Variants in CFAP54 observed in about 807,000 individuals in gnomAD.
The protein encoded by CFAP54 is cilia and flagella associated protein 54.
A neutral mutation model predicts 370.4 loss-of-function variants in CFAP54; 290 were observed. The ratio of observed to expected loss-of-function variants is 0.78; its 90% CI spans 0.71 to 0.86. The LOEUF is 0.86. Among genes scored for constraint, CFAP54 ranks in the 40% least tolerant of loss-of-function variants. The pLI is 0.00. For missense variants in CFAP54, 3,399 were observed against 3,528.7 expected (o/e 0.96, Z 0.93); for synonymous variants, 1,206 against 1,236.5 (o/e 0.98, Z 0.52).
At chr12:96,617,729 C>T (rs755309917) in intron 26 of CFAP54, among the ~76,000 whole-genome samples, 5 of 152,108 alleles carry the variant, frequency 3.3e-5, no homozygotes, top group African/African-American at 1.2e-4. Flanking sequence ...TGGTGGCTCA[C>T]GCCTGTAATC....
At chr12:96,792,713 A>G (rs1252751137) in intron 63 of CFAP54, among the ~76,000 whole-genome samples, 2 of 152,176 alleles carry the variant, frequency 1.3e-5, no homozygotes, top group African/African-American at 4.8e-5. Flanking sequence ...TCCTGATCCC[A>G]TAGGGAAAAT....
intron 67 of CFAP54, among the ~76,000 whole-genome samples, 167 bp from the exon 68 acceptor site, chr12:96,874,951 A>T (rs767055300): frequency 2.6e-5 from 4 of 151,716 alleles, no homozygotes; most frequent in Non-Finnish European, 5.9e-5. Flanking sequence ...TGGTTTGATG[A>T]TGTGGCATTC....
intron 1 of CFAP54, among the ~76,000 whole-genome samples, chr12:96,496,593 A>C (rs575821569): frequency 6.6e-6 from 1 of 152,364 alleles, no homozygotes; most frequent in South Asian, 2.1e-4. Context: ...CCATCAGGCC[A>C]GAGTACTAAT....
chr12:96,723,714 CA>C (rs1345046537), intron 50 of CFAP54, among the ~76,000 whole-genome samples: 1 of 150,596 alleles, frequency 6.6e-6, no homozygotes, highest in African/African-American at 2.4e-5. Flanking sequence ...TTTTAGGGTA[CA>C]TGTGCACAGT....
chr12:96,736,154 A>G (rs143547858), intron 50 of CFAP54, among the ~76,000 whole-genome samples: 1 of 152,296 alleles, frequency 6.6e-6, no homozygotes, highest in Non-Finnish European at 1.5e-5. Context: ...AGGCAGAGGT[A>G]AGGATGGGCC....
chr12:96,844,206 T>C lies in CFAP54; in HGVS notation c.9171+15118T>C, dbSNP rs149457087. ...GCCAAAAGGGACTTTGCAGATGTGATTAAGTTAAGGATGGGGAGAGGGGCA... is the reference window on the plus strand; with the variant it reads ...GCCAAAAGGGACTTTGCAGATGTGACTAAGTTAAGGATGGGGAGAGGGGCA... On this transcript the variant is annotated intron_variant, in intron 66 of 67. Transcript: ENST00000524981. Among the ~76,000 whole-genome samples, 520 of 152,160 alleles carry C rather than the reference T, an allele frequency of 3.4e-3. 4 individuals carry two copies. Among genetic ancestry groups the C allele is most frequent in the African/African-American group, 0.012 (492 of 41,500 alleles).
At position 96,837,345 on chromosome 12, in the gene CFAP54, G is replaced by A. The variant is rs368001608; in HGVS notation, c.9171+8257G>A. ...CTGCAGTGATTGCTCTGCAATGCTA[G>A]CATCTTATCTGGTACTGAGTTATCA... On this transcript the variant is annotated intron_variant, in intron 66 of 67. Transcript: ENST00000524981. 1.5e-3 allele frequency among the ~76,000 whole-genome samples: 225 copies of A among 152,258 alleles called. 1 individual carries two copies. Among genetic ancestry groups the A allele is most frequent in the African/African-American group, 5.1e-3 (211 of 41,554 alleles).
chr12:96,745,111 C>T (rs1196115034), intron 55 of CFAP54, among the ~76,000 whole-genome samples: 2 of 152,148 alleles, frequency 1.3e-5, no homozygotes, highest in Non-Finnish European at 2.9e-5. Flanking sequence ...TAGGTTGATT[C>T]CATGTCTTCT....
intron 23 of CFAP54, 106 bp downstream of exon 23, chr12:96,589,669 A>G (rs1956106794): frequency 1.6e-6 from 1 of 622,830 alleles, no homozygotes; most frequent in African/African-American, 3.5e-5. Flanking sequence ...TAGTCCATAT[A>G]CAATCATCAT....
chr12:96,734,805 T>G (rs1292312817), intron 50 of CFAP54, among the ~76,000 whole-genome samples: 2 of 152,182 alleles, frequency 1.3e-5, no homozygotes, highest in Non-Finnish European at 2.9e-5. Flanking sequence ...GTCAACTGAT[T>G]TAATCTGTGA....
intron 66 of CFAP54, among the ~76,000 whole-genome samples, chr12:96,860,459 C>T (rs1171299879): frequency 1.3e-5 from 2 of 152,310 alleles, no homozygotes; most frequent in Admixed American, 1.3e-4. Flanking sequence ...CATCCTTCTT[C>T]ACTGTGTCAA....
chr12:96,588,545 G>A (rs908723550), intron 22 of CFAP54, among the ~76,000 whole-genome samples: 1 of 152,146 alleles, frequency 6.6e-6, no homozygotes, highest in Admixed American at 6.5e-5. Context: ...AAGCTTACTG[G>A]TTGGAGATCA....
Position 96,535,578 on chromosome 12 carries a change from T to A in CFAP54, c.1769T>A (p.Val590Asp), listed in dbSNP as rs1320007261. 3 of 1,535,678 alleles carry A rather than the reference T, an allele frequency of 2.0e-6. No individual in the cohort carries two copies. Among genetic ancestry groups the A allele is most frequent in the Non-Finnish European group, 2.6e-6 (3 of 1,146,232 alleles). Residue 590 changes from valine to aspartate, a missense_variant, in exon 12 of 68, where the codon GTC becomes GAC. Coordinates refer to ENST00000524981, the MANE Select transcript of CFAP54 (RefSeq NM_001306084.2). ...TTCCATTTGGCAGCAACCTTGTATG[T>A]CTGTGTCTGCACTGCTCCCCAGGTG... The part of the protein sequence containing the change: ...DIFHLAATLY[V>D]CVCTAPQDVQ...
intron 50 of CFAP54, among the ~76,000 whole-genome samples, chr12:96,720,822 G>T (rs1290427553): frequency 6.6e-6 from 1 of 152,108 alleles, no homozygotes; most frequent in African/African-American, 2.4e-5. Context: ...AGGAGTTGGA[G>T]ACCAGGCTGG....
intron 17 of CFAP54, among the ~76,000 whole-genome samples, chr12:96,559,876 CA>C (rs1592851178): frequency 1.3e-5 from 2 of 152,026 alleles, no homozygotes; most frequent in East Asian, 3.9e-4. Context: ...TCCAATTGAT[CA>C]TTTATTTACT....
At chr12:96,819,925 G>A (rs533587211) in intron 65 of CFAP54, among the ~76,000 whole-genome samples, 1 of 152,240 alleles carries the variant, frequency 6.6e-6, no homozygotes, top group Admixed American at 6.5e-5. Context: ...CACTTTTTGG[G>A]TTGAGTTCCC....
At chr12:96,696,592 A>G (rs1388367150) in intron 45 of CFAP54, among the ~76,000 whole-genome samples, 2 of 152,126 alleles carry the variant, frequency 1.3e-5, no homozygotes, top group Non-Finnish European at 2.9e-5. Flanking sequence ...GGGTTGGAGA[A>G]TTAATTATAG....
intron 66 of CFAP54, among the ~76,000 whole-genome samples, chr12:96,860,266 C>T (rs1218608646): frequency 2.6e-5 from 4 of 151,452 alleles, no homozygotes; most frequent in South Asian, 2.1e-4. Flanking sequence ...GTTTTCTTTC[C>T]GTCATTTTTG....
At chr12:96,720,981 C>T (rs1957745288) in intron 50 of CFAP54, among the ~76,000 whole-genome samples, 1 of 151,420 alleles carries the variant, frequency 6.6e-6, no homozygotes, top group Admixed American at 6.6e-5. Context: ...GATTGCCCCT[C>T]TGTACTCCAG....
Sources: gnomAD v4.1 joint callset for allele counts (sites outside exome capture counted in the v4.1 genomes callset) on GRCh38, gnomAD v4.1.1 for gene constraint, MANE v1.5 for transcripts, NCBI Gene and HGNC (gene_info 2026-07-23, HGNC 2026-07-21) for gene names.